SCN7A: variants seen among roughly 807,000 people sequenced by gnomAD.
SCN7A encodes the protein sodium voltage-gated channel alpha subunit 7.
SCN7A carries 138 observed loss-of-function variants against 155.2 expected under a neutral mutation model. That is an observed-to-expected ratio of 0.89 (90% CI 0.77 to 1.02). SCN7A has a LOEUF of 1.02. Ranked by LOEUF, SCN7A falls within the 50% of genes least tolerant of loss-of-function variation. SCN7A has a pLI of 0.00. For synonymous variants in SCN7A, 693 were observed against 649.0 expected (o/e 1.07, Z -1.03); for missense variants, 2,058 against 1,986.6 (o/e 1.04, Z -0.68).
intron 16 of SCN7A, among the ~76,000 whole-genome samples, chr2:166,429,701 C>A (rs757173197): frequency 2.6e-5 from 4 of 151,898 alleles, no homozygotes; most frequent in Non-Finnish European, 4.4e-5. Context: ...TAATAGTGCA[C>A]CTAGGTTTCA....
intron 11 of SCN7A, among the ~76,000 whole-genome samples, chr2:166,451,285 A>T (rs1702172140): frequency 6.6e-6 from 1 of 152,176 alleles, no homozygotes; most frequent in African/African-American, 2.4e-5. Context: ...GTCTAGTAAT[A>T]TATTTACCTT....
chr2:166,487,759 T>C (rs745796484), intron 1 of SCN7A, among the ~76,000 whole-genome samples: 3 of 152,142 alleles, frequency 2.0e-5, no homozygotes, highest in African/African-American at 4.8e-5. Flanking sequence ...ATGTAGACCA[T>C]AGAGCAAGAT....
At chr2:166,443,909 A>T (rs1348956466) in intron 13 of SCN7A, among the ~76,000 whole-genome samples, 2 of 152,224 alleles carry the variant, frequency 1.3e-5, no homozygotes, top group Non-Finnish European at 2.9e-5. Flanking sequence ...TTTTAATAAA[A>T]TTGATCCTCG....
chr2:166,426,166 T>C (rs1701619325), intron 18 of SCN7A, among the ~76,000 whole-genome samples: 1 of 152,128 alleles, frequency 6.6e-6, no homozygotes, highest in Admixed American at 6.6e-5. Context: ...TTGGGAATAT[T>C]GATCCAAAGA....
intron 10 of SCN7A, chr2:166,461,700 G>A (rs1702413067): frequency 6.6e-6 from 1 of 152,102 alleles, no homozygotes; most frequent in African/African-American, 2.4e-5. Flanking sequence ...CATAGGCTTT[G>A]AAACAAGACA....
chr2:166,465,624 CT>C, intron 8 of SCN7A, 93 bp from the exon 9 acceptor site: 1 of 1,222,722 alleles, frequency 8.2e-7, no homozygotes, highest in Middle Eastern at 2.4e-4. Context: ...GCTAAAATAC[CT>C]TTCTGCAATT....
rs142515848 is a variant in SCN7A, at chr2:166,432,132, T to C, written c.2592+186A>G. On this transcript the variant is annotated intron_variant, in intron 16 of 25. Transcript: ENST00000643258. ...TAGCCTCATTTAAATATGAGAAAACTGAAGCTTGGAAAGTTTAAGTAATTT... is the reference window on the plus strand; with the variant it reads ...TAGCCTCATTTAAATATGAGAAAACCGAAGCTTGGAAAGTTTAAGTAATTT... Among the ~76,000 whole-genome samples the C allele has an allele frequency of 6.4e-3, 979 of 152,186 alleles. 14 individuals are homozygous for C. Among genetic ancestry groups the C allele is most frequent in the African/African-American group, 0.022 (932 of 41,542 alleles).
chr2:166,442,545 T>C (rs929604328), intron 14 of SCN7A, among the ~76,000 whole-genome samples: 3 of 150,702 alleles, frequency 2.0e-5, no homozygotes, highest in Non-Finnish European at 4.4e-5. Flanking sequence ...GAACCACCAC[T>C]GTGACTAATT....
chr2:166,473,969 GA>G, intron 4 of SCN7A, 81 bp from the exon 5 acceptor site: 1 of 730,560 alleles, frequency 1.4e-6, no homozygotes. Context: ...CTTAAATGTT[GA>G]AAAATATTAA....
At chr2:166,468,746 G>T (rs1395307369) in intron 7 of SCN7A, among the ~76,000 whole-genome samples, 1 of 151,790 alleles carries the variant, frequency 6.6e-6, no homozygotes, top group Non-Finnish European at 1.5e-5. Flanking sequence ...TTGTATAGCT[G>T]AGAACATACA....
intron 7 of SCN7A, among the ~76,000 whole-genome samples, chr2:166,467,864 T>A (rs1343280146): frequency 6.6e-6 from 1 of 151,968 alleles, no homozygotes; most frequent in Non-Finnish European, 1.5e-5. Context: ...TTTATTTTCA[T>A]AAATTAGGTT....
At chr2:166,421,320 G>T in intron 19 of SCN7A, 23 bp from the exon 20 acceptor site, 2 of 1,281,260 alleles carry the variant, frequency 1.6e-6, no homozygotes, top group Non-Finnish European at 2.1e-6. Flanking sequence ...TTTAAAAAAA[G>T]AGTGAATAGG....
Position 166,403,668 on chromosome 2 carries a change from C to T in SCN7A, c.*1912G>A, listed in dbSNP as rs1559080535. The T allele has an allele frequency of 1.3e-5, 2 of 151,888 alleles. No homozygotes were observed. Among genetic ancestry groups the T allele is most frequent in the South Asian group, 4.1e-4 (2 of 4,822 alleles). The allele number at this position is 151,888 out of a possible 1,614,324, so 9.4% of individuals were successfully genotyped here. ...TAAAAATAACTCTTTACACAGCTTT[C>T]GGAAGGTAACTGGCAAACAAGGTTT... On this transcript the variant is annotated 3_prime_UTR_variant, in exon 26 of 26. Transcript: ENST00000643258.
chr2:166,470,483 T>G, intron 7 of SCN7A, 132 bp downstream of exon 7: 1 of 712,148 alleles, frequency 1.4e-6, no homozygotes, highest in Non-Finnish European at 2.2e-6. Context: ...AATGTAAATT[T>G]CAGATAACTC....
chr2:166,484,780 A>G (rs1054879248), intron 2 of SCN7A, among the ~76,000 whole-genome samples: 2 of 152,034 alleles, frequency 1.3e-5, no homozygotes, highest in Non-Finnish European at 2.9e-5. Context: ...GTATAACAGT[A>G]TCTTAAAGGT....
At chr2:166,492,314 A>C (rs549919641) in intron 1 of SCN7A, among the ~76,000 whole-genome samples, 16 of 152,308 alleles carry the variant, frequency 1.1e-4, no homozygotes, top group African/African-American at 3.6e-4. Context: ...AGGGACTCAC[A>C]GTACCTATCC....
In SCN7A at chr2:166,447,604, T is replaced by C; in HGVS notation, c.1387+8A>G. The C allele has an allele frequency of 6.3e-7, 1 of 1,575,148 alleles. No individual in the cohort carries two copies. On this transcript the variant is annotated splice_region_variant and intron_variant, in intron 12 of 25. Transcript: ENST00000643258. ...CAATAGTGAGTGTCTACTTATTTAG[T>C]ACTTTACCTTCCTTATGTCTGAGAG...
intron 9 of SCN7A, among the ~76,000 whole-genome samples, chr2:166,462,957 AT>A (rs1230514959): frequency 2.6e-5 from 4 of 152,108 alleles, no homozygotes; most frequent in Non-Finnish European, 5.9e-5. Flanking sequence ...TCGTCTTATC[AT>A]TTTTCAAGAA....
chr2:166,453,458 T>A (rs998956943), intron 11 of SCN7A, among the ~76,000 whole-genome samples: 1 of 152,216 alleles, frequency 6.6e-6, no homozygotes, highest in Non-Finnish European at 1.5e-5. Flanking sequence ...TATTGACATG[T>A]CATAATAATT....
Sources: gnomAD v4.1 joint callset for allele counts (sites outside exome capture counted in the v4.1 genomes callset) on GRCh38, gnomAD v4.1.1 for gene constraint, MANE v1.5 for transcripts, NCBI Gene and HGNC (gene_info 2026-07-23, HGNC 2026-07-21) for gene names.